EXOC2: variants seen among roughly 807,000 people sequenced by gnomAD.
The protein encoded by EXOC2 is SEC5-like 1.
In EXOC2, 70 loss-of-function variants were observed where a neutral mutation model predicts 131.8. The observed-to-expected ratio is 0.53, with a 90% CI of 0.44 to 0.65. The LOEUF (loss-of-function observed/expected upper bound fraction) is 0.65, where lower values mean the gene tolerates loss of function less well. Ranked by LOEUF, EXOC2 falls within the 30% of genes least tolerant of loss-of-function variation. The pLI is 0.00. For missense variants in EXOC2, 923 were observed against 1,108.6 expected, an observed-to-expected ratio of 0.83 and a Z score of 2.38; for synonymous variants, 411 against 398.4, an observed-to-expected ratio of 1.03 and a Z score of -0.38.
chr6:500,614 T>C (rs1233231364), intron 23 of EXOC2, among the ~76,000 whole-genome samples: 2 of 152,138 alleles, frequency 1.3e-5, no homozygotes, highest in Non-Finnish European at 2.9e-5. Flanking sequence ...ATTATCATCA[T>C]TTTGCAGGAA....
At chr6:556,091 G>A in intron 18 of EXOC2, 78 bp from the exon 19 acceptor site, 1 of 1,332,810 alleles carries the variant, frequency 7.5e-7, no homozygotes, top group Non-Finnish European at 1.1e-6. Context: ...GATATGAACA[G>A]TTAAAACGTG....
Position 485,903 on chromosome 6 carries a change from T to C in EXOC2, c.*768A>G, listed in dbSNP as rs1189870535. ...ACCGCCCCGCCAACACCTCAGAGTG[T>C]AACACAGTGCCCGTTACACATTCAC... On this transcript the variant is annotated 3_prime_UTR_variant, in exon 28 of 28. Coordinates refer to ENST00000230449, the MANE Select transcript of EXOC2 (RefSeq NM_018303.6). The C allele has an allele frequency of 6.6e-6, 1 of 152,216 alleles. No homozygotes were observed. The allele number at this position is 152,216 out of a possible 1,614,324, so 9.4% of individuals were successfully genotyped here.
chr6:560,555 G>A (rs1009258136), intron 17 of EXOC2, among the ~76,000 whole-genome samples: 35 of 152,238 alleles, frequency 2.3e-4, no homozygotes, highest in East Asian at 1.5e-3. Context: ...CATGTAAAAC[G>A]TGGAGATGGT....
At chr6:569,109 A>G (rs1009412927) in intron 13 of EXOC2, among the ~76,000 whole-genome samples, 22 of 152,236 alleles carry the variant, frequency 1.4e-4, no homozygotes, top group African/African-American at 5.3e-4. Context: ...TATGTAAGGC[A>G]TTTTAATTTA....
In EXOC2 at chr6:532,574, G is replaced by C. The variant is rs369804014; in HGVS notation, c.2275C>G (p.Leu759Val). Residue 759 changes from leucine (L) to valine (V), a missense_variant, in exon 23 of 28, where the codon CTC (leucine) becomes GTC (valine). Physicochemically the swap from Leu to Val is conservative, Grantham distance 32. Transcript: ENST00000230449. ...MASLKELDQR[L>V]FENYIELKAD... ...TTCAACTCGATGTAATTTTCAAAGAGTCTTTGATCTAGTTCTTTCAATGAG... is the reference window on the plus strand; with the variant it reads ...TTCAACTCGATGTAATTTTCAAAGACTCTTTGATCTAGTTCTTTCAATGAG... The C allele has an allele frequency of 4.4e-6, 7 of 1,605,654 alleles. No individual in the cohort carries two copies. The highest frequency in any genetic ancestry group is 5.9e-6 in the Non-Finnish European group (7 of 1,177,168).
At chr6:625,518 CTTTTTTTTTTT>C (rs796295514) in intron 4 of EXOC2, among the ~76,000 whole-genome samples, 1 of 108,058 alleles carries the variant, frequency 9.3e-6, no homozygotes, top group Non-Finnish European at 1.9e-5. Context: ...TGTTTCCGTT[CTTTTTTTTTTT>C]TTTTTTTTTT....
intron 1 of EXOC2, among the ~76,000 whole-genome samples, chr6:690,503 G>A (rs547798482): frequency 1.3e-5 from 2 of 152,190 alleles, no homozygotes; most frequent in South Asian, 4.2e-4. Flanking sequence ...GAGGTCCACC[G>A]TCACGAGGAT....
Position 629,908 on chromosome 6 carries a change from G to C in EXOC2, c.349C>G (p.Arg117Gly). Reference sequence around the variant, plus strand: ...GGAATTCCTTTGTTCCTGTCAGTGCGCATATCATAATAATTCATTTCATCA... The same window carrying C: ...GGAATTCCTTTGTTCCTGTCAGTGCCCATATCATAATAATTCATTTCATCA... ...WVDEMNYYDMRTDRNKGIPPL... is the reference protein window; with the variant it reads ...WVDEMNYYDMGTDRNKGIPPL... The change falls in exon 4 of 28, where the codon CGC (arginine) becomes GGC (glycine). Residue 117 changes from arginine (R) to glycine (G), a missense_variant. Physicochemically the swap from Arg to Gly is moderately radical, Grantham distance 125. Transcript: ENST00000230449. 1 of 1,614,074 alleles carries C rather than the reference G, an allele frequency of 6.2e-7. No homozygotes were observed. The highest frequency in any genetic ancestry group is 8.5e-7 in the Non-Finnish European group (1 of 1,179,952).
At chr6:631,345 C>A (rs983259351) in intron 3 of EXOC2, among the ~76,000 whole-genome samples, 2 of 152,126 alleles carry the variant, frequency 1.3e-5, no homozygotes, top group Non-Finnish European at 2.9e-5. Flanking sequence ...CGAGACCAGC[C>A]TGACCAACAT....
chr6:573,593 C>T (rs377756072), intron 12 of EXOC2, among the ~76,000 whole-genome samples: 3 of 151,898 alleles, frequency 2.0e-5, no homozygotes, highest in African/African-American at 7.3e-5. Context: ...TTTCCAAATA[C>T]CCCCAAGCAA....
Position 532,564 on chromosome 6 carries a change from T to A in EXOC2, c.2285A>T (p.Asn762Ile). 1 of 1,609,572 alleles carries A rather than the reference T, an allele frequency of 6.2e-7. No individual in the cohort carries two copies. The highest frequency in any genetic ancestry group is 8.5e-7 in the Non-Finnish European group (1 of 1,178,618). The part of the protein sequence containing the change: ...LKELDQRLFE[N>I]YIELKADPIV... ...GGGATCTGCTTTCAACTCGATGTAA[T>A]TTTCAAAGAGTCTTTGATCTAGTTC... The change falls in exon 23 of 28, where the codon AAT becomes ATT. Residue 762 changes from asparagine to isoleucine, a missense_variant. Transcript: ENST00000230449.
At chr6:495,570 A>G (rs999391286) in intron 25 of EXOC2, among the ~76,000 whole-genome samples, 2 of 152,218 alleles carry the variant, frequency 1.3e-5, no homozygotes, top group African/African-American at 4.8e-5. Flanking sequence ...TAGCTGGGTC[A>G]TAGGGTACGT....
intron 21 of EXOC2, among the ~76,000 whole-genome samples, chr6:553,317 T>C (rs1757243089): frequency 6.6e-6 from 1 of 152,196 alleles, no homozygotes; most frequent in Admixed American, 6.5e-5. Flanking sequence ...AATACATGTA[T>C]ACATTTTAAA....
intron 1 of EXOC2, among the ~76,000 whole-genome samples, chr6:645,456 C>A (rs1762537605): frequency 6.6e-6 from 1 of 152,138 alleles, no homozygotes. Context: ...AAATTAAAAT[C>A]TTCTGCTTAT....
Position 572,531 on chromosome 6 carries a change from G to C in EXOC2, c.1432C>G (p.Leu478Val). The change falls in exon 13 of 28, where the codon CTC becomes GTC. Residue 478 changes from leucine to valine, a missense_variant. By Grantham distance (32) the Leu-to-Val change is conservative. Transcript: ENST00000230449. ...KLWISYVNGS[L>V]FSETAEKSGQ... ...GTCCGTATACACACCTCACTGAAGAGGCTTCCATTAACGTAGGAGATCCAG... is the reference window on the plus strand; with the variant it reads ...GTCCGTATACACACCTCACTGAAGACGCTTCCATTAACGTAGGAGATCCAG... 2 of 1,613,996 alleles carry C rather than the reference G, an allele frequency of 1.2e-6. No homozygotes were observed. The highest frequency in any genetic ancestry group is 1.7e-6 in the Non-Finnish European group (2 of 1,179,956).
intron 11 of EXOC2, among the ~76,000 whole-genome samples, chr6:589,840 C>T (rs1759434075): frequency 6.6e-6 from 1 of 152,262 alleles, no homozygotes; most frequent in African/African-American, 2.4e-5. Flanking sequence ...CGCGTGGTAG[C>T]TCACGCCTGT....
intron 23 of EXOC2, among the ~76,000 whole-genome samples, chr6:505,971 T>C (rs1299756559): frequency 1.3e-5 from 2 of 152,216 alleles, no homozygotes; most frequent in Non-Finnish European, 2.9e-5. Flanking sequence ...TGTAGAATTC[T>C]ATAATGCTCA....
At chr6:488,709 T>C (rs1017063636) in intron 27 of EXOC2, among the ~76,000 whole-genome samples, 2 of 152,196 alleles carry the variant, frequency 1.3e-5, no homozygotes, top group African/African-American at 4.8e-5. Context: ...ACCTTTTCTA[T>C]ACCAGTCACT....
intron 4 of EXOC2, among the ~76,000 whole-genome samples, chr6:622,138 G>A (rs967072421): frequency 5.9e-5 from 9 of 152,212 alleles, no homozygotes; most frequent in South Asian, 4.1e-4. Flanking sequence ...GTGTCATCGC[G>A]GGCAGAAGTC....
Sources: allele counts gnomAD v4.1 joint callset (sites outside exome capture counted in the v4.1 genomes callset), GRCh38; gene constraint gnomAD v4.1.1; transcripts MANE v1.5; gene names NCBI Gene and HGNC (gene_info 2026-07-23, HGNC 2026-07-21).